BFSP1: variants seen among roughly 807,000 people sequenced by gnomAD.
The protein encoded by BFSP1 is filensin.
Under a neutral mutation model 43.9 loss-of-function variants are expected in BFSP1, and 38 were observed. The ratio of observed to expected loss-of-function variants is 0.87; its 90% CI spans 0.67 to 1.14. BFSP1 has a LOEUF of 1.14. BFSP1 is among the 50% of genes most tolerant of loss of function. The pLI is 0.00. For missense variants in BFSP1, 850 were observed against 875.1 expected (o/e 0.97, Z 0.36); for synonymous variants, 352 against 354.8 (o/e 0.99, Z 0.09).
chr20:17,556,519 A>G (rs903955188), intron 1 of BFSP1, among the ~76,000 whole-genome samples: 6 of 152,278 alleles, frequency 3.9e-5, no homozygotes, highest in Middle Eastern at 3.4e-3. Flanking sequence ...AAAATTAAAA[A>G]TAATAATAAA....
At chr20:17,542,500 G>A (rs939462662) in intron 1 of BFSP1, among the ~76,000 whole-genome samples, 3 of 151,980 alleles carry the variant, frequency 2.0e-5, no homozygotes, top group Non-Finnish European at 4.4e-5. Context: ...TCAGGAGGCT[G>A]AGGTGGGAGG....
chr20:17,503,860 C>G (rs1346606162), intron 5 of BFSP1, among the ~76,000 whole-genome samples: 1 of 152,214 alleles, frequency 6.6e-6, no homozygotes, highest in Non-Finnish European at 1.5e-5. Flanking sequence ...ATGCAGAGAC[C>G]TCTCCTTGCA....
chr20:17,538,604 G>T (rs1037842916), intron 1 of BFSP1, among the ~76,000 whole-genome samples: 4 of 152,162 alleles, frequency 2.6e-5, no homozygotes, highest in Non-Finnish European at 4.4e-5. Context: ...CGAAATGATG[G>T]TACGGATTTT....
Position 17,531,285 on chromosome 20 carries a change from G to A in BFSP1, c.45C>T (p.Tyr15=). The A allele has an allele frequency of 1.4e-6, 2 of 1,474,642 alleles. No homozygotes were observed. The highest frequency in any genetic ancestry group is 8.9e-7 in the Non-Finnish European group (1 of 1,118,272). 91.3% of individuals were successfully genotyped at this position (1,474,642 alleles called of 1,614,324 possible). A position where few individuals can be genotyped will look rare whatever the true frequency, so the allele number is the denominator to read the frequency against. ...SYVFQTRKEQ[Y]EHADEASRAA... ...CGCGCGAAGCCTCGTCGGCGTGCTC[G>A]TACTGCTCCTTGCGGGTCTGGAAGA... Residue 15 remains tyrosine, a synonymous_variant, in exon 1 of 8, where the codon TAC becomes TAT. Transcript: ENST00000377873.
intron 5 of BFSP1, among the ~76,000 whole-genome samples, chr20:17,504,134 G>T (rs569615997): frequency 6.6e-6 from 1 of 152,108 alleles, no homozygotes; most frequent in Non-Finnish European, 1.5e-5. Flanking sequence ...GGAACACTGC[G>T]GGAGGAGCTC....
chr20:17,496,222 C>T (rs2033628568), intron 7 of BFSP1, among the ~76,000 whole-genome samples: 1 of 152,270 alleles, frequency 6.6e-6, no homozygotes, highest in Admixed American at 6.5e-5. Context: ...CCTTTCCAAC[C>T]ATGTTGACTC....
chr20:17,502,633 G>T (rs983181841), intron 5 of BFSP1, among the ~76,000 whole-genome samples: 7 of 152,042 alleles, frequency 4.6e-5, no homozygotes, highest in African/African-American at 1.7e-4. Context: ...TTGGGTGAGG[G>T]GTATATATTG....
At chr20:17,523,764 G>A (rs1368447102) in intron 2 of BFSP1, among the ~76,000 whole-genome samples, 1 of 151,732 alleles carries the variant, frequency 6.6e-6, no homozygotes, top group Non-Finnish European at 1.5e-5. Flanking sequence ...TATCATACGT[G>A]CTCACGCGCA....
chr20:17,516,972 A>T, intron 2 of BFSP1: 2 of 758,472 alleles, frequency 2.6e-6, no homozygotes. Flanking sequence ...GTAAAGACTG[A>T]TCTTTGCTAG....
intron 1 of BFSP1, among the ~76,000 whole-genome samples, chr20:17,530,059 C>A (rs2034500995): frequency 6.6e-6 from 1 of 152,160 alleles, no homozygotes; most frequent in Non-Finnish European, 1.5e-5. Context: ...ACTTTTTAAA[C>A]TGAAAATCAC....
At chr20:17,523,031 T>C in intron 2 of BFSP1, among the ~76,000 whole-genome samples, 1 of 152,230 alleles carries the variant, frequency 6.6e-6, no homozygotes, top group East Asian at 1.9e-4. Flanking sequence ...GGTAGCATCT[T>C]TCCCCAGAAC....
At chr20:17,562,978 TTTCTCTTG>T (rs1387006358), upstream of BFSP1, 2 of 152,208 alleles carry the variant, frequency 1.3e-5, no homozygotes, top group Non-Finnish European at 2.9e-5. Context: ...ACATACCTCA[TTTCTCTTG>T]TTCAGCCTCA....
rs370875208 is a variant in BFSP1, at chr20:17,525,243, G to T, written c.378-335C>A. On this transcript the variant is annotated intron_variant, in intron 1 of 7. Coordinates refer to ENST00000377873, the MANE Select transcript of BFSP1 (RefSeq NM_001195.5). This position sits in a 1 kb window ranked among gnomAD's most constrained non-coding sequence, Gnocchi z 4.2. ...ATCCTAGCCTATCTATAACCCAAGTGCAGCAGTGGCAGAGATGGGAGACTG... is the reference window on the plus strand; with the variant it reads ...ATCCTAGCCTATCTATAACCCAAGTTCAGCAGTGGCAGAGATGGGAGACTG... Among the ~76,000 whole-genome samples, 35 of 152,230 alleles carry T rather than the reference G, an allele frequency of 2.3e-4. No homozygotes were observed. The highest frequency in any genetic ancestry group is 1.9e-3 in the East Asian group (10 of 5,180).
At chr20:17,508,347 T>A (rs2033990315) in intron 5 of BFSP1, among the ~76,000 whole-genome samples, 1 of 151,988 alleles carries the variant, frequency 6.6e-6, no homozygotes, top group South Asian at 2.1e-4. Context: ...CCAAAAGGGG[T>A]GGGGGTAGAA....
intron 6 of BFSP1, among the ~76,000 whole-genome samples, 199 bp from the exon 7 acceptor site, chr20:17,497,222 CAA>C (rs1243748798): frequency 6.6e-6 from 1 of 151,990 alleles, no homozygotes; most frequent in Non-Finnish European, 1.5e-5. Flanking sequence ...TCTTTGAGCT[CAA>C]GAGTCATAAA....
At chr20:17,512,308 C>T (rs779613436) in intron 3 of BFSP1, among the ~76,000 whole-genome samples, 24 of 152,128 alleles carry the variant, frequency 1.6e-4, no homozygotes, top group Non-Finnish European at 2.2e-4. Flanking sequence ...ACAAGAACAA[C>T]GGGGCCGATG....
At chr20:17,521,993 TG>T (rs897012648) in intron 2 of BFSP1, among the ~76,000 whole-genome samples, 3 of 152,138 alleles carry the variant, frequency 2.0e-5, no homozygotes, top group Non-Finnish European at 2.9e-5. Context: ...TATACTGATG[TG>T]GGCCATGCAT....
At chr20:17,533,995 G>C (rs2034590439), upstream of BFSP1, among the ~76,000 whole-genome samples, 1 of 152,208 alleles carries the variant, frequency 6.6e-6, no homozygotes, top group Admixed American at 6.5e-5. Context: ...GCAAAATGCT[G>C]TGGTTGTATT....
At chr20:17,517,421 C>A (rs568927167) in intron 2 of BFSP1, 125 of 684,540 alleles carry the variant, frequency 1.8e-4, no homozygotes, top group Non-Finnish European at 3.0e-4. Flanking sequence ...GTAGCTGGGA[C>A]TACAGGTGCA....
Sources: allele counts gnomAD v4.1 joint callset (sites outside exome capture counted in the v4.1 genomes callset), GRCh38; gene constraint gnomAD v4.1.1; non-coding constraint Gnocchi (gnomAD v3.1); transcripts MANE v1.5; gene names NCBI Gene and HGNC (gene_info 2026-07-23, HGNC 2026-07-21).